CNTNAP4: variants seen among roughly 807,000 people sequenced by gnomAD.
CNTNAP4 encodes the protein contactin associated protein family member 4, also known as contactin-associated protein-like 4.
Under a neutral mutation model 148.4 loss-of-function variants are expected in CNTNAP4, and 98 were observed. That is an observed-to-expected ratio of 0.66 (90% CI 0.56 to 0.78). The LOEUF (loss-of-function observed/expected upper bound fraction) is 0.78. Ranked by LOEUF, CNTNAP4 falls within the 30% of genes least tolerant of loss-of-function variation. The pLI is 0.00. For missense variants in CNTNAP4, 1,935 were observed against 1,565.6 expected (o/e 1.24, Z -3.98); for synonymous variants, 730 against 565.1 (o/e 1.29, Z -4.14).
chr16:76,434,518 G>A (rs1055766416), intron 4 of CNTNAP4, among the ~76,000 whole-genome samples: 6 of 152,264 alleles, frequency 3.9e-5, no homozygotes, highest in East Asian at 1.9e-4. Context: ...ACAATAATCC[G>A]CTGTCATTTT....
chr16:76,423,147 C>G (rs12931907), intron 3 of CNTNAP4, among the ~76,000 whole-genome samples: 1 of 151,860 alleles, frequency 6.6e-6, no homozygotes, highest in Non-Finnish European at 1.5e-5. Context: ...TTTCCAGCCT[C>G]CAGAACTGTG....
chr16:76,358,539 G>T (rs1486399585), intron 3 of CNTNAP4, among the ~76,000 whole-genome samples: 1 of 152,154 alleles, frequency 6.6e-6, no homozygotes, highest in African/African-American at 2.4e-5. Flanking sequence ...TTATAGTTTA[G>T]ATTATGGAAG....
At position 76,297,876 on chromosome 16, in the gene CNTNAP4, C is replaced by G. The variant is rs1959478085; in HGVS notation, c.86-18537C>G. On this transcript the variant is annotated intron_variant, in intron 1 of 23. Transcript: ENST00000611870. ...TTTTCATAAAAGAAGACCTGATAAA[C>G]CAGATACTAAATTAGAATCAGAAAT... 2.0e-5 allele frequency among the ~76,000 whole-genome samples: 3 copies of G among 152,114 alleles called. No individual in the cohort carries two copies. In the South Asian group the frequency reaches 6.2e-4, roughly 32 times the overall value.
chr16:76,378,799 G>C (rs752238450), intron 3 of CNTNAP4, among the ~76,000 whole-genome samples: 1 of 152,164 alleles, frequency 6.6e-6, no homozygotes, highest in Non-Finnish European at 1.5e-5. Flanking sequence ...CAGTGAGGGA[G>C]AAAACCCGGC....
At chr16:76,550,262 T>C (rs1384188136) in intron 21 of CNTNAP4, among the ~76,000 whole-genome samples, 1 of 152,212 alleles carries the variant, frequency 6.6e-6, no homozygotes, top group African/African-American at 2.4e-5. Flanking sequence ...TAGTTTTTGT[T>C]TCTATGTTTA....
chr16:76,320,083 A>G (rs1480315443), intron 2 of CNTNAP4, among the ~76,000 whole-genome samples: 1 of 152,222 alleles, frequency 6.6e-6, no homozygotes, highest in East Asian at 1.9e-4. Context: ...TTGCCTTGAA[A>G]AGACCGTTGG....
chr16:76,459,860 G>A (rs1009605551), intron 8 of CNTNAP4, among the ~76,000 whole-genome samples: 2 of 152,126 alleles, frequency 1.3e-5, no homozygotes, highest in Non-Finnish European at 2.9e-5. Context: ...TTGTAGAATC[G>A]ATTGTCTGTA....
chr16:76,374,763 T>TTAG lies in CNTNAP4; in HGVS notation c.390+19254_390+19255insGTA, dbSNP rs1192593235. ...GACACTATTATTATTATTATTATTA[T>TTAG]TATTATTATTATTATTATTATTTGA... is the stretch of plus-strand genomic sequence containing the variant. On this transcript the variant is annotated intron_variant, in intron 3 of 23. Coordinates refer to ENST00000611870, the MANE Select transcript of CNTNAP4 (RefSeq NM_033401.5). Among the ~76,000 whole-genome samples, 992 of 148,682 alleles carry TTAG rather than the reference T, an allele frequency of 6.7e-3. 3 individuals carry two copies. Among genetic ancestry groups the TTAG allele is most frequent in the African/African-American group, 9.7e-3 (395 of 40,864 alleles).
chr16:76,552,134 C>T (rs2084975749), intron 21 of CNTNAP4, among the ~76,000 whole-genome samples: 1 of 46,864 alleles, frequency 2.1e-5, no homozygotes, highest in African/African-American at 8.6e-5. Flanking sequence ...CTTCACATGG[C>T]AGCAGGAGAG....
chr16:76,369,332 T>A (rs2014530210), intron 3 of CNTNAP4, among the ~76,000 whole-genome samples: 1 of 152,188 alleles, frequency 6.6e-6, no homozygotes, highest in South Asian at 2.1e-4. Context: ...TACTGCTGTT[T>A]AATACAAGAT....
chr16:76,488,669 G>A (rs2082109935), intron 12 of CNTNAP4, among the ~76,000 whole-genome samples: 1 of 152,200 alleles, frequency 6.6e-6, no homozygotes. Flanking sequence ...CAGCACATAT[G>A]TAGTAGAGTT....
At chr16:76,371,324 C>T (rs778521224) in intron 3 of CNTNAP4, among the ~76,000 whole-genome samples, 8 of 152,064 alleles carry the variant, frequency 5.3e-5, no homozygotes, top group African/African-American at 9.7e-5. Context: ...CTTCTTCTGT[C>T]GCCTGGGCTG....
At chr16:76,515,006 T>C (rs2083192088) in intron 15 of CNTNAP4, among the ~76,000 whole-genome samples, 1 of 152,184 alleles carries the variant, frequency 6.6e-6, no homozygotes, top group Non-Finnish European at 1.5e-5. Context: ...TAAAATTTCC[T>C]GTAGGGCTAG....
intron 2 of CNTNAP4, among the ~76,000 whole-genome samples, chr16:76,333,670 GGTT>G (rs1963743729): frequency 6.6e-6 from 1 of 150,764 alleles, no homozygotes; most frequent in Non-Finnish European, 1.5e-5. Context: ...CATATTTTTT[GGTT>G]GTTGCCGAAA....
At chr16:76,285,597 A>G (rs1958847520) in intron 1 of CNTNAP4, among the ~76,000 whole-genome samples, 1 of 152,098 alleles carries the variant, frequency 6.6e-6, no homozygotes, top group African/African-American at 2.4e-5. Context: ...CCCACTGGCA[A>G]TTATGATACT....
At chr16:76,387,649 T>C (rs1434919788) in intron 3 of CNTNAP4, among the ~76,000 whole-genome samples, 1 of 152,144 alleles carries the variant, frequency 6.6e-6, no homozygotes, top group African/African-American at 2.4e-5. Context: ...GAATTAATGC[T>C]CATGAAATAA....
chr16:76,313,740 A>G (rs1215198775), intron 1 of CNTNAP4, among the ~76,000 whole-genome samples: 1 of 152,234 alleles, frequency 6.6e-6, no homozygotes, highest in African/African-American at 2.4e-5. Context: ...GCATTCAAGA[A>G]CAAATTAGGT....
chr16:76,519,648 T>C (rs2083384798), intron 15 of CNTNAP4, among the ~76,000 whole-genome samples: 1 of 152,212 alleles, frequency 6.6e-6, no homozygotes, highest in African/African-American at 2.4e-5. Flanking sequence ...TTTTACATTT[T>C]CTTGCATTTA....
chr16:76,397,575 T>C (rs990700203), intron 3 of CNTNAP4, among the ~76,000 whole-genome samples: 1 of 151,982 alleles, frequency 6.6e-6, no homozygotes, highest in African/African-American at 2.4e-5. Context: ...ATATAGCAAC[T>C]GTTACATACC....
Sources: gnomAD v4.1 joint callset for allele counts (sites outside exome capture counted in the v4.1 genomes callset) on GRCh38, gnomAD v4.1.1 for gene constraint, MANE v1.5 for transcripts, NCBI Gene and HGNC (gene_info 2026-07-23, HGNC 2026-07-21) for gene names.